RBFOX1: variants seen among roughly 807,000 people sequenced by gnomAD.
RBFOX1 encodes the protein RNA binding protein fox-1 homolog 1.
RBFOX1 carries 8 observed loss-of-function variants against 57.7 expected under a neutral mutation model. The ratio of observed to expected loss-of-function variants is 0.14; its 90% CI spans 0.08 to 0.25. The LOEUF (loss-of-function observed/expected upper bound fraction) is 0.25, where lower values mean the gene tolerates loss of function less well. Ranked by LOEUF, RBFOX1 falls within the 10% of genes least tolerant of loss-of-function variation. The probability of loss-of-function intolerance (pLI) is 1.00; values close to 1 mark genes in which losing one functional copy is unlikely to be tolerated. For missense variants in RBFOX1, 611 were observed against 548.5 expected, an observed-to-expected ratio of 1.11 and a Z score of -1.14; for synonymous variants, 326 against 222.4, an observed-to-expected ratio of 1.47 and a Z score of -4.15.
intron 1 of RBFOX1, among the ~76,000 whole-genome samples, chr16:5,458,638 C>A (rs894648122): frequency 6.6e-6 from 1 of 152,256 alleles, no homozygotes; most frequent in Non-Finnish European, 1.5e-5. Flanking sequence ...CTCTACTGCT[C>A]TTGAAGGAAG....
chr16:6,016,048 C>T (rs1001199654), upstream of RBFOX1, among the ~76,000 whole-genome samples: 56 of 152,322 alleles, frequency 3.7e-4, no homozygotes, highest in African/African-American at 1.3e-3. Flanking sequence ...CCCATTTAGA[C>T]AGCAATCTAC....
chr16:7,357,555 C>T (rs2097241251), intron 4 of RBFOX1, among the ~76,000 whole-genome samples: 1 of 152,166 alleles, frequency 6.6e-6, no homozygotes, highest in African/African-American at 2.4e-5. Context: ...CATACTTACC[C>T]ATCTTGTTTT....
At position 7,071,670 on chromosome 16, in the gene RBFOX1, T is replaced by C. The variant is rs1204381623; in HGVS notation, c.27+19572T>C. Among the ~76,000 whole-genome samples the C allele has an allele frequency of 2.0e-5, 3 of 150,810 alleles. No homozygotes were observed. In the South Asian group the frequency reaches 6.2e-4, roughly 31 times the overall value. On this transcript the variant is annotated intron_variant, in intron 4 of 15. Transcript: ENST00000550418. ...TTATACATACATACATACATACATA[T>C]ATATATATTTTCCCAGTATTGAAAT...
chr16:7,521,487 A>C (rs949404770), intron 5 of RBFOX1, among the ~76,000 whole-genome samples: 7 of 152,348 alleles, frequency 4.6e-5, no homozygotes, highest in Middle Eastern at 3.4e-3. Context: ...GAGATGCTCC[A>C]CATCTTTGCC....
At chr16:7,006,647 T>C (rs1476873494) in intron 3 of RBFOX1, among the ~76,000 whole-genome samples, 1 of 152,090 alleles carries the variant, frequency 6.6e-6, no homozygotes, top group African/African-American at 2.4e-5. Flanking sequence ...AAGGTCTCCC[T>C]GTGATGCTCA....
chr16:6,143,590 T>C lies in RBFOX1; in HGVS notation c.-127+123598T>C, dbSNP rs530850655. 9.2e-5 allele frequency among the ~76,000 whole-genome samples: 14 copies of C among 152,326 alleles called. No individual in the cohort carries two copies. The East Asian group carries it at 2.5e-3, about 27-fold the overall frequency. Reference sequence around the variant, plus strand: ...CTTACCATAAGCATCCAAGTGATTCTGTTCTCTCTTGGAGGATGATAATTG... The same window carrying C: ...CTTACCATAAGCATCCAAGTGATTCCGTTCTCTCTTGGAGGATGATAATTG... On this transcript the variant is annotated intron_variant, in intron 1 of 15. Transcript: ENST00000550418.
At chr16:7,187,700 A>G (rs2084267896) in intron 4 of RBFOX1, among the ~76,000 whole-genome samples, 1 of 34,954 alleles carries the variant, frequency 2.9e-5, no homozygotes, top group African/African-American at 8.5e-5. Flanking sequence ...CAAAAAAAAA[A>G]AAAAAAAAAA....
chr16:7,101,608 C>G (rs1336740066), intron 4 of RBFOX1, among the ~76,000 whole-genome samples: 5 of 152,070 alleles, frequency 3.3e-5, no homozygotes, highest in Non-Finnish European at 7.4e-5. Context: ...GCTATAAAGA[C>G]TCTGATGAAA....
rs1022774057 is a variant in RBFOX1, at chr16:7,287,372, G to A, written c.28-230775G>A. On this transcript the variant is annotated intron_variant, in intron 4 of 15. Transcript: ENST00000550418. Reference sequence around the variant, plus strand: ...GACTATAATTAGGATTCCATGGAGAGCAGCAGTGTGCAGGAACTATGCCAG... The same window carrying A: ...GACTATAATTAGGATTCCATGGAGAACAGCAGTGTGCAGGAACTATGCCAG... 7.9e-5 allele frequency among the ~76,000 whole-genome samples: 12 copies of A among 152,168 alleles called. 1 individual carries two copies. The highest frequency in any genetic ancestry group is 2.9e-4 in the African/African-American group (12 of 41,450).
chr16:7,241,988 T>G (rs2152975015), intron 4 of RBFOX1, among the ~76,000 whole-genome samples: 1 of 152,278 alleles, frequency 6.6e-6, no homozygotes, highest in South Asian at 2.1e-4. Context: ...TTTGGCCCTC[T>G]TGATACTTTG....
intron 2 of RBFOX1, among the ~76,000 whole-genome samples, chr16:6,319,377 C>T (rs1034540198): frequency 6.6e-6 from 1 of 152,128 alleles, no homozygotes; most frequent in Non-Finnish European, 1.5e-5. Context: ...TAGTATATTA[C>T]CCCTCATGAT....
At chr16:6,898,696 GTA>G (rs2067599150) in intron 3 of RBFOX1, among the ~76,000 whole-genome samples, 1 of 152,042 alleles carries the variant, frequency 6.6e-6, no homozygotes, top group African/African-American at 2.4e-5. Flanking sequence ...ATATACGTGT[GTA>G]TGTGTCTATA....
At chr16:5,353,764 GC>G (rs1212989256) in intron 1 of RBFOX1, among the ~76,000 whole-genome samples, 5 of 150,474 alleles carry the variant, frequency 3.3e-5, no homozygotes, top group Non-Finnish European at 5.9e-5. Flanking sequence ...GTGAGACACT[GC>G]CGAGTGCTCC....
At chr16:6,215,825 A>C (rs1158337328) in intron 1 of RBFOX1, among the ~76,000 whole-genome samples, 2 of 152,150 alleles carry the variant, frequency 1.3e-5, no homozygotes, top group Admixed American at 6.5e-5. Flanking sequence ...TAAACATCCC[A>C]ATGGGTTGAA....
intron 4 of RBFOX1, among the ~76,000 whole-genome samples, chr16:7,290,290 C>A (rs1057231798): frequency 6.6e-6 from 1 of 152,174 alleles, no homozygotes; most frequent in Non-Finnish European, 1.5e-5. Flanking sequence ...ATATTGTTTT[C>A]AATTAGGCTT....
intron 3 of RBFOX1, among the ~76,000 whole-genome samples, chr16:5,847,657 T>C (rs1294547108): frequency 6.6e-6 from 1 of 152,152 alleles, no homozygotes; most frequent in Non-Finnish European, 1.5e-5. Flanking sequence ...TGAAGCTATA[T>C]GGCCCTCCGG....
At chr16:7,196,338 C>G (rs2086686151) in intron 4 of RBFOX1, among the ~76,000 whole-genome samples, 1 of 152,164 alleles carries the variant, frequency 6.6e-6, no homozygotes, top group African/African-American at 2.4e-5. Flanking sequence ...ATTTCTCCTT[C>G]AACTTTTCCT....
intron 3 of RBFOX1, among the ~76,000 whole-genome samples, chr16:6,741,658 G>T (rs989916789): frequency 4.8e-5 from 7 of 145,736 alleles, no homozygotes; most frequent in African/African-American, 1.3e-4. Flanking sequence ...GACAGAGCCA[G>T]ACTCAGTCTC....
intron 3 of RBFOX1, among the ~76,000 whole-genome samples, chr16:5,834,739 A>G (rs1383099607): frequency 7.2e-6 from 1 of 137,940 alleles, no homozygotes; most frequent in East Asian, 2.0e-4. Flanking sequence ...AGATACATAC[A>G]TACATACATA....
Sources: allele counts gnomAD v4.1 joint callset (sites outside exome capture counted in the v4.1 genomes callset), GRCh38; gene constraint gnomAD v4.1.1; transcripts MANE v1.5; gene names NCBI Gene and HGNC (gene_info 2026-07-23, HGNC 2026-07-21).